Variants in FIGN observed in about 807,000 individuals in gnomAD.
The protein encoded by FIGN is fidgetin.
A neutral mutation model predicts 51.3 loss-of-function variants in FIGN; 11 were observed. That is an observed-to-expected ratio of 0.21 (90% confidence interval 0.13 to 0.35). The LOEUF is 0.35. Among genes scored for constraint, FIGN ranks in the 10% least tolerant of loss-of-function variants. FIGN has a pLI of 1.00. For missense variants in FIGN, 857 were observed against 943.6 expected, an observed-to-expected ratio of 0.91 and a Z score of 1.20; for synonymous variants, 407 against 363.2, an observed-to-expected ratio of 1.12 and a Z score of -1.37.
chr2:163,717,626 A>C (rs1684690176), intron 2 of FIGN, among the ~76,000 whole-genome samples: 1 of 152,114 alleles, frequency 6.6e-6, no homozygotes, highest in Admixed American at 6.5e-5. Flanking sequence ...GGGTGATATC[A>C]TAGTTGTGTT....
chr2:163,638,562 T>C (rs1219197886), intron 2 of FIGN, among the ~76,000 whole-genome samples: 4 of 152,154 alleles, frequency 2.6e-5, no homozygotes, highest in Non-Finnish European at 5.9e-5. Flanking sequence ...AGTATTAGAA[T>C]GAAAGCATAC....
chr2:163,714,816 A>C (rs1302251231), intron 2 of FIGN, among the ~76,000 whole-genome samples: 1 of 152,226 alleles, frequency 6.6e-6, no homozygotes, highest in Non-Finnish European at 1.5e-5. Flanking sequence ...GGCAGTTAGC[A>C]TGAGTTTCAA....
At chr2:163,731,406 C>G (rs985743825) in intron 2 of FIGN, among the ~76,000 whole-genome samples, 1 of 152,084 alleles carries the variant, frequency 6.6e-6, no homozygotes, top group Non-Finnish European at 1.5e-5. Context: ...TTTCTTCTCT[C>G]TGGTTACACT....
chr2:163,690,982 C>T lies in FIGN; in HGVS notation c.25+43921G>A, dbSNP rs565250656. The stretch of plus-strand genomic sequence containing the variant: ...CCAGACAGTATGAGGAACTGACTTC[C>T]GACTTAACATTTTTCAATATGCTGT... On this transcript the variant is annotated intron_variant, in intron 2 of 2. Coordinates refer to ENST00000333129, the MANE Select transcript of FIGN (RefSeq NM_018086.4). 5.9e-5 allele frequency among the ~76,000 whole-genome samples: 9 copies of T among 152,166 alleles called. 1 individual carries two copies. The highest frequency in any genetic ancestry group is 1.9e-4 in the East Asian group (1 of 5,180).
At chr2:163,715,153 C>T (rs1011118544) in intron 2 of FIGN, among the ~76,000 whole-genome samples, 19 of 152,176 alleles carry the variant, frequency 1.2e-4, no homozygotes, top group Admixed American at 8.5e-4. Context: ...TCATGTTGAT[C>T]TACCATAAAG....
chr2:163,707,096 A>C (rs1053813035), intron 2 of FIGN, among the ~76,000 whole-genome samples: 1 of 152,148 alleles, frequency 6.6e-6, no homozygotes, highest in Non-Finnish European at 1.5e-5. Context: ...TTTATTTCAA[A>C]ACATTCAGGA....
intron 2 of FIGN, among the ~76,000 whole-genome samples, chr2:163,642,091 T>C (rs567216728): frequency 6.6e-6 from 1 of 152,338 alleles, no homozygotes; most frequent in South Asian, 2.1e-4. Context: ...CCTTTTCCAA[T>C]ACTATAGGAC....
intron 2 of FIGN, among the ~76,000 whole-genome samples, chr2:163,667,883 G>T (rs185344039): frequency 6.6e-6 from 1 of 152,088 alleles, no homozygotes; most frequent in South Asian, 2.1e-4. Flanking sequence ...CATCCCTAGC[G>T]CAGAGCCTGG....
chr2:163,617,372 G>T, intron 2 of FIGN: 1 of 299,694 alleles, frequency 3.3e-6, no homozygotes, highest in Non-Finnish European at 4.9e-6. Context: ...GTGGTTCAAT[G>T]CTAAAAAGGA....
intron 2 of FIGN, among the ~76,000 whole-genome samples, chr2:163,666,188 A>C (rs1683770877): frequency 6.6e-6 from 1 of 152,162 alleles, no homozygotes; most frequent in African/African-American, 2.4e-5. Flanking sequence ...AAAGGACAGG[A>C]GTAAGAGGGT....
intron 2 of FIGN, among the ~76,000 whole-genome samples, chr2:163,675,383 T>C (rs561711578): frequency 3.9e-5 from 6 of 152,328 alleles, no homozygotes; most frequent in African/African-American, 1.2e-4. Flanking sequence ...AATCTAGAAT[T>C]TCTTATCACA....
chr2:163,687,695 G>A (rs565893298), intron 2 of FIGN, among the ~76,000 whole-genome samples: 1 of 152,222 alleles, frequency 6.6e-6, no homozygotes, highest in East Asian at 1.9e-4. Context: ...GTTTTGCATG[G>A]CAACTAACAA....
chr2:163,712,398 C>T (rs796973961), intron 2 of FIGN, among the ~76,000 whole-genome samples: 6 of 152,094 alleles, frequency 3.9e-5, no homozygotes, highest in African/African-American at 1.4e-4. Flanking sequence ...ACTGTAGAAA[C>T]ACCAGCAAAA....
chr2:163,670,965 G>A (rs1487388804), intron 2 of FIGN, among the ~76,000 whole-genome samples: 1 of 152,076 alleles, frequency 6.6e-6, no homozygotes, highest in East Asian at 1.9e-4. Context: ...GTTTGTTTTA[G>A]GAGCATAATT....
chr2:163,629,531 T>G (rs1163814245), intron 2 of FIGN, among the ~76,000 whole-genome samples: 1 of 152,106 alleles, frequency 6.6e-6, no homozygotes, highest in Non-Finnish European at 1.5e-5. Context: ...GGGGATTTTT[T>G]TAAAGGATAT....
rs114786410 is a variant in FIGN, at chr2:163,615,578, T to A, written c.26-3772A>T. Among the ~76,000 whole-genome samples, 489 of 152,346 alleles carry A rather than the reference T, an allele frequency of 3.2e-3. 1 individual carries two copies. The highest frequency in any genetic ancestry group is 0.011 in the African/African-American group (478 of 41,592). Reference sequence around the variant, plus strand: ...ACAAAAACATCCTGCTTTGTTTGACTGTATTGCAATTATGTGTGAGTCAGA... The same window carrying A: ...ACAAAAACATCCTGCTTTGTTTGACAGTATTGCAATTATGTGTGAGTCAGA... On this transcript the variant is annotated intron_variant, in intron 2 of 2. Transcript: ENST00000333129.
At chr2:163,693,515 A>G (rs879794083) in intron 2 of FIGN, among the ~76,000 whole-genome samples, 1 of 152,154 alleles carries the variant, frequency 6.6e-6, no homozygotes, top group Non-Finnish European at 1.5e-5. Context: ...AGCATTACAA[A>G]ATGTGAATTA....
intron 2 of FIGN, among the ~76,000 whole-genome samples, chr2:163,630,282 TG>T (rs1225843939): frequency 6.6e-6 from 1 of 151,968 alleles, no homozygotes; most frequent in African/African-American, 2.4e-5. Flanking sequence ...GGCACTTCTT[TG>T]TTTGAGATGG....
rs60276598 is a variant in FIGN at position 163,652,361 on chromosome 2, A to AACACACACACACAC, written c.26-40569_26-40556dup. ...ATTAACCAACACACACACACACACA[A>AACACACACACACAC]ACACACACACACACACACACACACA... On this transcript the variant is annotated intron_variant, in intron 2 of 2. Coordinates refer to ENST00000333129, the MANE Select transcript of FIGN (RefSeq NM_018086.4). Among the ~76,000 whole-genome samples the AACACACACACACAC allele has an allele frequency of 1.0e-4, 14 of 139,450 alleles. No homozygotes were observed. The South Asian group carries it at 2.1e-3, about 21-fold the overall frequency. 91.5% of individuals were successfully genotyped at this position (139,450 alleles called of 152,430 possible).
Sources: gnomAD v4.1 joint callset for allele counts (sites outside exome capture counted in the v4.1 genomes callset) on GRCh38, gnomAD v4.1.1 for gene constraint, MANE v1.5 for transcripts, NCBI Gene and HGNC (gene_info 2026-07-23, HGNC 2026-07-21) for gene names.